NBAS: variants seen among roughly 807,000 people sequenced by gnomAD.
NBAS encodes the protein NAG/BC035112 fusion.
NBAS carries 219 observed loss-of-function variants against 302.5 expected under a neutral mutation model. That is an observed-to-expected ratio of 0.72 (90% CI 0.65 to 0.81). NBAS has a LOEUF of 0.81. NBAS is among the 30% of genes least tolerant of loss of function. The pLI is 0.00. For missense variants in NBAS, 2,932 were observed against 2,841.6 expected, an observed-to-expected ratio of 1.03 and a Z score of -0.72; for synonymous variants, 1,118 against 1,021.6, an observed-to-expected ratio of 1.09 and a Z score of -1.80.
At chr2:15,002,719 G>A in the NBAS span, among the ~76,000 whole-genome samples, 7 of 152,366 alleles carry the variant, frequency 4.6e-5, no homozygotes, top group Non-Finnish European at 7.3e-5. Flanking sequence ...ATCGAGCACA[G>A]TGCCAGTGGG....
At chr2:15,163,797 CTTTT>C (rs34305039), downstream of NBAS, among the ~76,000 whole-genome samples, 1 of 143,356 alleles carries the variant, frequency 7.0e-6, no homozygotes. Context: ...AGTATTACAA[CTTTT>C]TTTTTTTTTT....
chr2:14,793,085 TC>T, the NBAS span, among the ~76,000 whole-genome samples: 1 of 152,052 alleles, frequency 6.6e-6, no homozygotes, highest in African/African-American at 2.4e-5. Context: ...TCTCTCTCTC[TC>T]TCTCTCTCTC....
chr2:15,295,757 T>C (rs916117055), intron 40 of NBAS, among the ~76,000 whole-genome samples: 3 of 152,166 alleles, frequency 2.0e-5, no homozygotes, highest in African/African-American at 4.8e-5. Context: ...ACAAATCAGG[T>C]ACATGGTCAA....
the NBAS span, among the ~76,000 whole-genome samples, chr2:15,061,341 T>G: frequency 6.4e-4 from 98 of 152,352 alleles, no homozygotes; most frequent in Middle Eastern, 3.4e-3. Flanking sequence ...GCTTCATGAC[T>G]CTGGGCAAGC....
chr2:15,385,437 G>A lies in NBAS; in HGVS notation c.3258-2120C>T, dbSNP rs74835125. ...TGGTACTAATGTTTTCTCGCACATG[G>A]CTAGCTGTAAGTACAGGTTCTAATA... On this transcript the variant is annotated intron_variant, in intron 28 of 51. Coordinates refer to ENST00000281513, the MANE Select transcript of NBAS (RefSeq NM_015909.4). Among the ~76,000 whole-genome samples, 1,028 of 152,296 alleles carry A rather than the reference G, an allele frequency of 6.8e-3. 12 individuals are homozygous for A. Among genetic ancestry groups the A allele is most frequent in the African/African-American group, 0.022 (927 of 41,556 alleles).
the NBAS span, among the ~76,000 whole-genome samples, chr2:15,096,051 T>C: frequency 3.3e-5 from 5 of 152,284 alleles, no homozygotes; most frequent in East Asian, 1.9e-4. Context: ...AAGGCCAGGA[T>C]GTTAAGAGGC....
intron 11 of NBAS, among the ~76,000 whole-genome samples, chr2:15,497,537 A>C (rs1391261296): frequency 6.6e-6 from 1 of 152,180 alleles, no homozygotes; most frequent in Non-Finnish European, 1.5e-5. Context: ...AATCAAGTCT[A>C]AGGTAGAAAG....
the NBAS span, among the ~76,000 whole-genome samples, chr2:15,104,946 T>C: frequency 3.9e-5 from 6 of 152,032 alleles, no homozygotes; most frequent in African/African-American, 1.4e-4. Context: ...TTCTAGATAG[T>C]AGCCCCACAC....
intron 9 of NBAS, among the ~76,000 whole-genome samples, chr2:15,516,155 G>A (rs1662381656): frequency 6.6e-6 from 1 of 152,086 alleles, no homozygotes; most frequent in Non-Finnish European, 1.5e-5. Flanking sequence ...CTTCTTTGGT[G>A]GGTATTTTAA....
At chr2:15,092,623 A>C in the NBAS span, among the ~76,000 whole-genome samples, 2 of 152,104 alleles carry the variant, frequency 1.3e-5, no homozygotes, top group South Asian at 4.1e-4. Context: ...CTAGTTCTGC[A>C]GTAACAGGCT....
chr2:15,134,865 A>G, the NBAS span, among the ~76,000 whole-genome samples: 2 of 152,204 alleles, frequency 1.3e-5, no homozygotes, highest in African/African-American at 4.8e-5. Context: ...TGGCTCCTGA[A>G]TTATGTATGA....
At chr2:15,305,130 GCT>G (rs1331306363) in intron 40 of NBAS, among the ~76,000 whole-genome samples, 2 of 152,044 alleles carry the variant, frequency 1.3e-5, no homozygotes, top group Admixed American at 1.3e-4. Flanking sequence ...ATATGATTAC[GCT>G]CTGTGTCCCC....
chr2:15,028,959 A>G, the NBAS span, among the ~76,000 whole-genome samples: 5 of 152,188 alleles, frequency 3.3e-5, no homozygotes, highest in African/African-American at 1.2e-4. Flanking sequence ...GGTGTCATTC[A>G]GCACTAAATT....
chr2:15,279,773 G>A (rs1669744269), intron 42 of NBAS, among the ~76,000 whole-genome samples: 1 of 152,080 alleles, frequency 6.6e-6, no homozygotes, highest in South Asian at 2.1e-4. Flanking sequence ...TAAATTACAA[G>A]GTGCTAAGAT....
chr2:15,065,901 T>C, the NBAS span, among the ~76,000 whole-genome samples: 3 of 152,104 alleles, frequency 2.0e-5, no homozygotes, highest in Admixed American at 6.6e-5. Context: ...AAAATTAATA[T>C]GGAACCACAA....
At chr2:14,790,881 G>T in the NBAS span, among the ~76,000 whole-genome samples, 48 of 152,052 alleles carry the variant, frequency 3.2e-4, no homozygotes, top group African/African-American at 1.2e-3. Context: ...TGGAGATAGA[G>T]TTTCGCTCTT....
chr2:15,358,194 A>C (rs937725739), intron 32 of NBAS, among the ~76,000 whole-genome samples: 11 of 152,094 alleles, frequency 7.2e-5, no homozygotes, highest in African/African-American at 2.7e-4. Context: ...TGCGCTGCCC[A>C]GCCCAGCCGG....
intron 12 of NBAS, among the ~76,000 whole-genome samples, chr2:15,479,538 C>G (rs1024529457): frequency 1.3e-5 from 2 of 152,128 alleles, no homozygotes; most frequent in African/African-American, 4.8e-5. Flanking sequence ...TTAAGCCCCT[C>G]AAAGAACAAC....
chr2:15,440,209 G>A (rs898214796), intron 21 of NBAS, among the ~76,000 whole-genome samples: 2 of 152,208 alleles, frequency 1.3e-5, no homozygotes, highest in East Asian at 1.9e-4. Context: ...GCCTCCTCAA[G>A]TGGGTCCCTG....
Sources: gnomAD v4.1 joint callset for allele counts (sites outside exome capture counted in the v4.1 genomes callset) on GRCh38, gnomAD v4.1.1 for gene constraint, MANE v1.5 for transcripts, NCBI Gene and HGNC (gene_info 2026-07-23, HGNC 2026-07-21) for gene names.